Variants in CYP4F12 observed in about 807,000 individuals in gnomAD.
The protein encoded by CYP4F12 is cytochrome P450 family 4 subfamily F member 12, also known as cytochrome P450 4F12.
In CYP4F12, 60 loss-of-function variants were observed where a neutral mutation model predicts 56.5. The ratio of observed to expected loss-of-function variants is 1.06; its 90% CI spans 0.86 to 1.32. The LOEUF is 1.32. CYP4F12 is among the 40% of genes most tolerant of loss of function. The pLI is 0.00. For missense variants in CYP4F12, 711 were observed against 683.5 expected (o/e 1.04, Z -0.45); for synonymous variants, 263 against 264.9 (o/e 0.99, Z 0.07).
chr19:15,692,558 A>G (rs2007920864), intron 9 of CYP4F12, among the ~76,000 whole-genome samples: 1 of 152,194 alleles, frequency 6.6e-6, no homozygotes, highest in Admixed American at 6.5e-5. Flanking sequence ...ATTAAGTAAA[A>G]GCTCTTGGGG....
chr19:15,685,924 C>T (rs928462871), intron 9 of CYP4F12, among the ~76,000 whole-genome samples: 7 of 152,228 alleles, frequency 4.6e-5, no homozygotes, highest in Non-Finnish European at 1.0e-4. Flanking sequence ...ACACCTGCAT[C>T]GTTCATCCAT....
intron 9 of CYP4F12, among the ~76,000 whole-genome samples, chr19:15,686,426 G>A (rs2007607987): frequency 6.6e-6 from 1 of 152,122 alleles, no homozygotes; most frequent in South Asian, 2.1e-4. Flanking sequence ...GAGAGAGGGA[G>A]AAGAGGGAAA....
In CYP4F12 at chr19:15,678,318, C is replaced by A; in HGVS notation, c.256C>A (p.Gln86Lys). ...NSTQMSATYS[Q>K]GFTVWLGPII... Reference sequence around the variant, plus strand: ...GACCCAGATGTCGGCCACCTATTCCCAGGGCTTTACGGTATGGCTGGGTCC... The same window carrying A: ...GACCCAGATGTCGGCCACCTATTCCAAGGGCTTTACGGTATGGCTGGGTCC... The change falls in exon 3 of 13, where the codon CAG (glutamine) becomes AAG (lysine). Residue 86 changes from glutamine to lysine, a missense_variant. Coordinates refer to ENST00000550308, the MANE Select transcript of CYP4F12 (RefSeq NM_023944.4). 1 of 1,614,198 alleles carries A rather than the reference C, an allele frequency of 6.2e-7. No homozygotes were observed. The highest frequency in any genetic ancestry group is 8.5e-7 in the Non-Finnish European group (1 of 1,180,034).
intron 6 of CYP4F12, among the ~76,000 whole-genome samples, chr19:15,682,825 T>A (rs936233006): frequency 3.3e-5 from 5 of 152,186 alleles, no homozygotes; most frequent in Middle Eastern, 3.4e-3. Context: ...CCAGAGACCT[T>A]TTGTAGTTTC....
At chr19:15,675,911 TAGAG>T (rs1218135625) in intron 2 of CYP4F12, among the ~76,000 whole-genome samples, 2 of 152,210 alleles carry the variant, frequency 1.3e-5, no homozygotes, top group East Asian at 1.9e-4. Context: ...CAGAAAGAGA[TAGAG>T]AGATAAGAAT....
Position 15,696,025 on chromosome 19 carries a change from G to A in CYP4F12, c.1205G>A (p.Cys402Tyr). ...HPPAPFISRCCTQDIVLPDGR... is the reference protein window; with the variant it reads ...HPPAPFISRCYTQDIVLPDGR... ...CCAGCTCCCTTCATCTCCCGATGCT[G>A]CACCCAGGACATTGTTCTCCCAGAT... Residue 402 changes from cysteine (C) to tyrosine (Y), a missense_variant, in exon 10 of 13, where the codon TGC (cysteine) becomes TAC (tyrosine). Transcript: ENST00000550308. 13 of 1,613,992 alleles carry A rather than the reference G, an allele frequency of 8.1e-6. No individual in the cohort carries two copies. The highest frequency in any genetic ancestry group is 1.1e-5 in the Non-Finnish European group (13 of 1,179,954).
At position 15,696,461 on chromosome 19, in the gene CYP4F12, A is replaced by G. The variant is rs1471084727; in HGVS notation, c.1346A>G (p.Asn449Ser). 6.2e-6 allele frequency: 10 copies of G among 1,614,006 alleles called. No individual in the cohort carries two copies. Among genetic ancestry groups the G allele is most frequent in the Non-Finnish European group, 7.6e-6 (9 of 1,180,028 alleles). Residue 449 changes from asparagine to serine, a missense_variant, in exon 12 of 13, where the codon AAC becomes AGC. Transcript: ENST00000550308. ...VYDPFRFDPE[N>S]SKGRSPLAFI... is the part of the protein sequence containing the mutation. ...GACCCCTTCCGCTTTGACCCAGAGAACAGCAAGGGGAGGTCACCTCTGGCT... is the reference window on the plus strand; with the variant it reads ...GACCCCTTCCGCTTTGACCCAGAGAGCAGCAAGGGGAGGTCACCTCTGGCT...
At chr19:15,684,998 T>C (rs2144737571) in intron 8 of CYP4F12, 70 bp from the exon 9 acceptor site, 1 of 1,586,802 alleles carries the variant, frequency 6.3e-7, no homozygotes. Context: ...TCCATCCTCC[T>C]GAGGGCCTCA....
At chr19:15,694,960 T>C (rs953387838) in intron 9 of CYP4F12, among the ~76,000 whole-genome samples, 1 of 152,172 alleles carries the variant, frequency 6.6e-6, no homozygotes, top group African/African-American at 2.4e-5. Flanking sequence ...CTCAGGGATC[T>C]AGAACTAGAA....
chr19:15,677,221 C>A (rs1431887091), intron 2 of CYP4F12, among the ~76,000 whole-genome samples: 1 of 125,980 alleles, frequency 7.9e-6, no homozygotes. Flanking sequence ...TTACTCATTC[C>A]TCTACCCATT....
Position 15,673,640 on chromosome 19 carries a change from G to A in CYP4F12, c.111G>A (p.Trp37Ter), listed in dbSNP as rs1038651260. 3 of 1,614,144 alleles carry A rather than the reference G, an allele frequency of 1.9e-6. No individual in the cohort carries two copies. The highest frequency in any genetic ancestry group is 3.3e-5 in the Admixed American group (2 of 60,022). The change falls in exon 2 of 13, where the codon TGG becomes TGA. Residue 37 changes from tryptophan (W) to a stop codon, truncating the protein, a stop_gained. Transcript: ENST00000550308. LOFTEE classifies it high-confidence loss of function. ...GSWLLARILA[W>*]TYAFYNNCRR... ...GGCTACTCGCCCGCATCCTGGCTTG[G>A]ACCTATGCCTTCTATAACAACTGCC...
chr19:15,684,756 TTGTGTGTGTGTGTGTGTGTGTG>T lies in CYP4F12; in HGVS notation c.919-38_919-17del, dbSNP rs3063212. On this transcript the variant is annotated intron_variant, in intron 7 of 12. Transcript: ENST00000550308. ...TCCGGAGTCTCAGAGATAGTATAAT[TTGTGTGTGTGTGTGTGTGTGTG>T]TGTGTGTGTGTGTGTGTGTGTCTTG... The T allele has an allele frequency of 5.4e-3, 5,648 of 1,044,678 alleles. 201 individuals are homozygous for T. The African/African-American group carries it at 0.086, about 16-fold the overall frequency. The allele number at this position is 1,044,678 out of a possible 1,614,324, so 64.7% of individuals were successfully genotyped here.
intron 2 of CYP4F12, among the ~76,000 whole-genome samples, 182 bp downstream of exon 2, chr19:15,673,909 A>C (rs76224214): frequency 0.046 from 50 of 1,088 alleles, no homozygotes; most frequent in Admixed American, 0.059. Flanking sequence ...TCACTCCTCT[A>C]CCCACTCACT....
rs2007444774 is a variant in CYP4F12, at chr19:15,683,697, T to A, written c.852T>A (p.Asp284Glu). 1 of 1,607,402 alleles carries A rather than the reference T, an allele frequency of 6.2e-7. No homozygotes were observed. Among genetic ancestry groups the A allele is most frequent in the Non-Finnish European group, 8.5e-7 (1 of 1,177,372 alleles). ...RRRTLPTQGI[D>E]DFFKDKAKSK... is the part of the protein sequence containing the mutation. The stretch of plus-strand genomic sequence containing the variant: ...GCACCCTCCCCACTCAGGGTATTGA[T>A]GATTTTTTCAAAGACAAAGCCAAGT... The change falls in exon 7 of 13, where the codon GAT becomes GAA. Residue 284 changes from aspartate to glutamate, a missense_variant. Physicochemically the swap from Asp to Glu is conservative, Grantham distance 45 (BLOSUM62 2). Transcript: ENST00000550308.
intron 2 of CYP4F12, among the ~76,000 whole-genome samples, chr19:15,675,802 C>G (rs1323389989): frequency 6.6e-6 from 1 of 152,150 alleles, no homozygotes; most frequent in East Asian, 1.9e-4. Context: ...GTGGCTTCAT[C>G]TAGGGAGGTG....
chr19:15,694,026 C>G (rs1257912533), intron 9 of CYP4F12, among the ~76,000 whole-genome samples: 2 of 152,064 alleles, frequency 1.3e-5, no homozygotes, highest in African/African-American at 4.8e-5. Context: ...TCTGAGGGCT[C>G]TGTTCTGTTC....
chr19:15,684,771 TG>T, intron 7 of CYP4F12, 44 bp from the exon 8 acceptor site: 4 of 1,277,814 alleles, frequency 3.1e-6, no homozygotes, highest in Non-Finnish European at 3.3e-6. Flanking sequence ...TGTGTGTGTG[TG>T]TGTGTGTGTG....
intron 6 of CYP4F12, 119 bp downstream of exon 6, chr19:15,682,629 G>A (rs767432631): frequency 3.4e-6 from 5 of 1,470,004 alleles, no homozygotes; most frequent in Non-Finnish European, 4.7e-6. Flanking sequence ...TCATAGCTGT[G>A]CTTTGAAGGT....
Position 15,680,509 on chromosome 19 carries a change from ACAT to A in CYP4F12, c.519_521del (p.Ile173del). ...ATAACGATCTTCAACAAGAGTGCAA[ACAT>A]CATGCTTGTGAGTCCCTTGAAGTCT... On this transcript the variant is annotated inframe_deletion, in exon 5 of 13. Transcript: ENST00000550308. 6.2e-7 allele frequency: 1 copy of A among 1,614,124 alleles called. No homozygotes were observed. Among genetic ancestry groups the A allele is most frequent in the Non-Finnish European group, 8.5e-7 (1 of 1,180,018 alleles).
Sources: gnomAD v4.1 joint callset for allele counts (sites outside exome capture counted in the v4.1 genomes callset) on GRCh38, gnomAD v4.1.1 for gene constraint, MANE v1.5 for transcripts, NCBI Gene and HGNC (gene_info 2026-07-23, HGNC 2026-07-21) for gene names.